Variants in TENM3 observed in about 807,000 individuals in gnomAD.
TENM3 encodes the protein teneurin-3.
A neutral mutation model predicts 255.1 loss-of-function variants in TENM3; 63 were observed. The observed-to-expected ratio is 0.25, with a 90% CI of 0.20 to 0.30. The LOEUF (loss-of-function observed/expected upper bound fraction) is 0.30, where lower values mean the gene tolerates loss of function less well. Among genes scored for constraint, TENM3 ranks in the 10% least tolerant of loss-of-function variants. The pLI, the probability that TENM3 is intolerant of heterozygous loss-of-function variation, is 1.00. For synonymous variants in TENM3, 1,306 were observed against 1,322.3 expected, an observed-to-expected ratio of 0.99 and a Z score of 0.27; for missense variants, 2,929 against 3,461.1, an observed-to-expected ratio of 0.85 and a Z score of 3.86.
At chr4:182,058,530 T>G in the TENM3 span, among the ~76,000 whole-genome samples, 1 of 151,866 alleles carries the variant, frequency 6.6e-6, no homozygotes, top group Non-Finnish European at 1.5e-5. Flanking sequence ...AGAAGAAAGC[T>G]CCTTTATCTA....
the TENM3 span, among the ~76,000 whole-genome samples, chr4:181,562,186 T>G: frequency 0.12 from 18,501 of 152,188 alleles, 1,220 homozygotes; most frequent in South Asian, 0.2. Context: ...ATACTTAAAT[T>G]TATTTGTAGT....
the TENM3 span, among the ~76,000 whole-genome samples, chr4:181,735,735 A>C: frequency 1.3e-5 from 2 of 152,248 alleles, no homozygotes; most frequent in South Asian, 4.1e-4. Flanking sequence ...TCTAGTAGAC[A>C]CTAGAGCAAG....
rs569563804 is a variant in TENM3 at position 182,499,755 on chromosome 4, A to G, written c.512-101169A>G. ...ATGACAGAATATGAAGTTTAATAGC[A>G]TTTTCTAACGAACTGAAAATTGAAT... On this transcript the variant is annotated intron_variant, in intron 3 of 27. Transcript: ENST00000511685. Among the ~76,000 whole-genome samples, 5 of 152,310 alleles carry G rather than the reference A, an allele frequency of 3.3e-5. No homozygotes were observed. In the South Asian group the frequency reaches 8.3e-4, roughly 25 times the overall value.
the TENM3 span, among the ~76,000 whole-genome samples, chr4:181,894,863 A>C: frequency 1.3e-5 from 2 of 152,172 alleles, no homozygotes; most frequent in African/African-American, 4.8e-5. Flanking sequence ...CACTGGTTGT[A>C]ATGCATGCAT....
At chr4:182,655,012 G>A (rs969867083) in intron 6 of TENM3, among the ~76,000 whole-genome samples, 1 of 152,176 alleles carries the variant, frequency 6.6e-6, no homozygotes, top group Non-Finnish European at 1.5e-5. Context: ...AGAACTGTAA[G>A]CTGGTGACTG....
chr4:182,704,754 A>G (rs1758143080), intron 12 of TENM3, among the ~76,000 whole-genome samples: 1 of 152,196 alleles, frequency 6.6e-6, no homozygotes, highest in Non-Finnish European at 1.5e-5. Context: ...AAATTTTTGA[A>G]AAAGTATTGC....
the TENM3 span, among the ~76,000 whole-genome samples, chr4:181,468,374 T>C: frequency 6.6e-6 from 1 of 152,232 alleles, no homozygotes; most frequent in Non-Finnish European, 1.5e-5. Flanking sequence ...TTATTTTCTT[T>C]TTTACATCTT....
intron 19 of TENM3, among the ~76,000 whole-genome samples, chr4:182,745,011 A>G (rs138111750): frequency 9.2e-5 from 14 of 152,328 alleles, no homozygotes; most frequent in East Asian, 3.9e-4. Flanking sequence ...CAGGTTAGAC[A>G]TGCTAGATCT....
the TENM3 span, among the ~76,000 whole-genome samples, chr4:181,641,552 G>GTATATATA: frequency 0.014 from 297 of 21,422 alleles, 4 homozygotes; most frequent in Non-Finnish European, 0.017. Flanking sequence ...CATGGTGTGT[G>GTATATATA]TGTATATATA....
At chr4:181,640,101 G>A in the TENM3 span, among the ~76,000 whole-genome samples, 1 of 152,204 alleles carries the variant, frequency 6.6e-6, no homozygotes, top group Admixed American at 6.5e-5. Context: ...TGAATGAACA[G>A]GTAGGCAGGG....
chr4:182,135,174 C>CCAG, the TENM3 span, among the ~76,000 whole-genome samples: 1 of 135,998 alleles, frequency 7.4e-6, no homozygotes, highest in East Asian at 2.2e-4. Flanking sequence ...CCACTGCGCT[C>CCAG]CAGCCTGGTA....
At chr4:182,557,249 A>G (rs980292122) in intron 3 of TENM3, among the ~76,000 whole-genome samples, 7 of 152,170 alleles carry the variant, frequency 4.6e-5, no homozygotes, top group African/African-American at 1.7e-4. Flanking sequence ...TTTCAAAAGG[A>G]TATTAATGGT....
chr4:181,554,071 G>A, the TENM3 span, among the ~76,000 whole-genome samples: 1 of 152,256 alleles, frequency 6.6e-6, no homozygotes, highest in African/African-American at 2.4e-5. Flanking sequence ...TAATGATTCT[G>A]TGGTTGGGCT....
chr4:181,899,668 A>G, the TENM3 span, among the ~76,000 whole-genome samples: 2 of 151,984 alleles, frequency 1.3e-5, no homozygotes, highest in Non-Finnish European at 2.9e-5. Flanking sequence ...CCCGGGTTCA[A>G]GTGATTCTCC....
chr4:182,144,200 CCGCA>C (rs1246529271), upstream of TENM3: 1 of 42,696 alleles, frequency 2.3e-5, no homozygotes, highest in Non-Finnish European at 4.6e-5. Flanking sequence ...TCGCACACTC[CCGCA>C]CACACACACA....
At chr4:181,665,428 T>C in the TENM3 span, among the ~76,000 whole-genome samples, 1 of 152,324 alleles carries the variant, frequency 6.6e-6, no homozygotes. Context: ...GCTCTACATA[T>C]TTAAGCATCA....
intron 3 of TENM3, among the ~76,000 whole-genome samples, chr4:182,489,886 C>G (rs1211537404): frequency 4.7e-5 from 7 of 149,388 alleles, no homozygotes; most frequent in African/African-American, 1.7e-4. Flanking sequence ...CTTCCTCTTT[C>G]TTTCCTCCTC....
At chr4:181,748,038 T>C in the TENM3 span, among the ~76,000 whole-genome samples, 5 of 152,066 alleles carry the variant, frequency 3.3e-5, no homozygotes, top group African/African-American at 7.2e-5. Flanking sequence ...TAATCTGTTT[T>C]AGTAGAGGAC....
intron 1 of TENM3, among the ~76,000 whole-genome samples, chr4:182,268,453 T>C (rs928304601): frequency 1.5e-4 from 23 of 151,984 alleles, no homozygotes; most frequent in African/African-American, 4.8e-4. Context: ...GGTTCTCTTA[T>C]AAAAGGGAGG....
Sources: gnomAD v4.1 joint callset for allele counts (sites outside exome capture counted in the v4.1 genomes callset) on GRCh38, gnomAD v4.1.1 for gene constraint, MANE v1.5 for transcripts, NCBI Gene and HGNC (gene_info 2026-07-23, HGNC 2026-07-21) for gene names.